Variants in ELMOD1 observed in about 807,000 individuals in gnomAD.
ELMOD1 encodes ELMO domain-containing protein 1.
ELMOD1 carries 21 observed loss-of-function variants against 46.7 expected under a neutral mutation model. That is an observed-to-expected ratio of 0.45 (90% CI 0.32 to 0.65). The LOEUF is 0.65. Ranked by LOEUF, ELMOD1 falls within the 30% of genes least tolerant of loss-of-function variation. The probability of loss-of-function intolerance (pLI) is 0.04; values close to 1 mark genes in which losing one functional copy is unlikely to be tolerated. For synonymous variants in ELMOD1, 122 were observed against 138.2 expected, an observed-to-expected ratio of 0.88 and a Z score of 0.82; for missense variants, 348 against 407.8, an observed-to-expected ratio of 0.85 and a Z score of 1.26.
intron 11 of ELMOD1, among the ~76,000 whole-genome samples, chr11:107,661,320 G>A (rs1006426839): frequency 6.6e-6 from 1 of 152,146 alleles, no homozygotes; most frequent in Non-Finnish European, 1.5e-5. Context: ...TTCTGTAACC[G>A]TGCCACACTA....
In ELMOD1 at chr11:107,635,629, A is replaced by G; in HGVS notation, c.291-7A>G. ...TTGTGTGTCTCTTCTGTTTTTGAAC[A>G]CCCTAGGCTGGGAATCTCTCTTCAG... is the stretch of plus-strand genomic sequence containing the variant. On this transcript the variant is annotated splice_region_variant and splice_polypyrimidine_tract_variant and intron_variant, in intron 5 of 11. Transcript: ENST00000265840. 6.2e-7 allele frequency: 1 copy of G among 1,605,806 alleles called. No homozygotes were observed.
rs535992760 is a variant in ELMOD1, at chr11:107,654,732, G to A, written c.698+510G>A. Among the ~76,000 whole-genome samples the A allele has an allele frequency of 2.8e-5, 4 of 142,380 alleles. No individual in the cohort carries two copies. The East Asian group carries it at 8.2e-4, about 29-fold the overall frequency. The allele number at this position is 142,380 out of a possible 152,430, so 93.4% of individuals were successfully genotyped here. A position where few individuals can be genotyped will look rare whatever the true frequency, so the allele number is the denominator to read the frequency against. ...TGCAGTGAGTGGAGATGGCGCCACT[G>A]CACTCCAGCCTGGGCGACAAAGCGA... On this transcript the variant is annotated intron_variant, in intron 10 of 11. Coordinates refer to ENST00000265840, the MANE Select transcript of ELMOD1 (RefSeq NM_018712.4).
intron 10 of ELMOD1, among the ~76,000 whole-genome samples, chr11:107,655,020 C>T (rs1229442201): frequency 6.6e-6 from 1 of 151,924 alleles, no homozygotes. Context: ...TGTTAAGATC[C>T]TTATTTACAT....
At chr11:107,612,703 T>C (rs1865800376) in intron 1 of ELMOD1, among the ~76,000 whole-genome samples, 1 of 152,184 alleles carries the variant, frequency 6.6e-6, no homozygotes, top group Non-Finnish European at 1.5e-5. Context: ...TATGATTTGC[T>C]AAACACAGAT....
chr11:107,654,185 G>C lies in ELMOD1; in HGVS notation c.661G>C (p.Ala221Pro). 6.3e-7 allele frequency: 1 copy of C among 1,588,136 alleles called. No individual in the cohort carries two copies. The highest frequency in any genetic ancestry group is 8.6e-7 in the Non-Finnish European group (1 of 1,166,342). The change falls in exon 10 of 12, where the codon GCA becomes CCA. Residue 221 changes from alanine (A) to proline (P), a missense_variant. Transcript: ENST00000265840. Reference sequence around the variant, plus strand: ...TCATCCATTCAGCAAATTCAGCAAAGCAGAATGGGAGAAGAAAAGGATGGA... The same window carrying C: ...TCATCCATTCAGCAAATTCAGCAAACCAGAATGGGAGAAGAAAAGGATGGA... ...TKEEISKFSK[A>P]EWEKKRMDKA... is the part of the protein sequence containing the mutation.
chr11:107,663,778 A>G (rs1386222960), intron 11 of ELMOD1, among the ~76,000 whole-genome samples: 1 of 152,154 alleles, frequency 6.6e-6, no homozygotes, highest in African/African-American at 2.4e-5. Flanking sequence ...AGAAAAACAA[A>G]AAGTATTGAT....
chr11:107,611,784 A>G (rs1394989871), intron 1 of ELMOD1, among the ~76,000 whole-genome samples: 1 of 152,098 alleles, frequency 6.6e-6, no homozygotes, highest in Non-Finnish European at 1.5e-5. Context: ...AGCAGCCAAC[A>G]AACATGAAGA....
intron 1 of ELMOD1, among the ~76,000 whole-genome samples, chr11:107,597,912 A>C (rs1194680402): frequency 6.6e-6 from 1 of 152,208 alleles, no homozygotes; most frequent in Non-Finnish European, 1.5e-5. Context: ...GCTTGTGTCC[A>C]AGTCCTAAAA....
chr11:107,609,859 A>G (rs979305155), intron 1 of ELMOD1, among the ~76,000 whole-genome samples: 2 of 152,166 alleles, frequency 1.3e-5, no homozygotes, highest in African/African-American at 4.8e-5. Context: ...AAAAATTACT[A>G]CAAATCAGGG....
At chr11:107,619,382 G>A (rs1300006780) in intron 2 of ELMOD1, among the ~76,000 whole-genome samples, 1 of 152,144 alleles carries the variant, frequency 6.6e-6, no homozygotes, top group African/African-American at 2.4e-5. Context: ...TATGTTCTTG[G>A]TTGTCATGGT....
intron 1 of ELMOD1, chr11:107,592,338 C>A (rs1291089218): frequency 1.9e-6 from 1 of 533,640 alleles, no homozygotes; most frequent in African/African-American, 1.9e-5. Flanking sequence ...CGCTGCTAAC[C>A]CCCAGTGGGC....
intron 10 of ELMOD1, among the ~76,000 whole-genome samples, chr11:107,654,939 G>A (rs1399765097): frequency 6.6e-6 from 1 of 152,078 alleles, no homozygotes; most frequent in African/African-American, 2.4e-5. Flanking sequence ...TATTAGCAGA[G>A]AGGATTTAAG....
chr11:107,659,081 G>A (rs1049888557), intron 11 of ELMOD1, among the ~76,000 whole-genome samples: 1 of 152,190 alleles, frequency 6.6e-6, no homozygotes, highest in Non-Finnish European at 1.5e-5. Context: ...TGAGTGGTCC[G>A]GTGAAGGCCA....
intron 5 of ELMOD1, among the ~76,000 whole-genome samples, chr11:107,632,507 C>G (rs147661181): frequency 7.5e-4 from 114 of 152,266 alleles, no homozygotes; most frequent in African/African-American, 2.6e-3. Context: ...ATTTTGGATA[C>G]TAGCTATCTA....
At chr11:107,664,509 C>T (rs895528161) in intron 11 of ELMOD1, among the ~76,000 whole-genome samples, 2 of 152,148 alleles carry the variant, frequency 1.3e-5, no homozygotes, top group Non-Finnish European at 2.9e-5. Context: ...TGTGGTTTAA[C>T]GACCAGTCTG....
chr11:107,599,740 C>CAAAAAAAAAAAAAAAAAAAAAAAAAAAA (rs56992146), intron 1 of ELMOD1, among the ~76,000 whole-genome samples: 3 of 91,232 alleles, frequency 3.3e-5, no homozygotes, highest in South Asian at 8.4e-4. Context: ...AGACCTGTCT[C>CAAAAAAAAAAAAAAAAAAAAAAAAAAAA]AAAAAAAAAA....
At chr11:107,661,168 C>A (rs982828898) in intron 11 of ELMOD1, among the ~76,000 whole-genome samples, 1 of 152,136 alleles carries the variant, frequency 6.6e-6, no homozygotes, top group Non-Finnish European at 1.5e-5. Flanking sequence ...CTTCAATCTT[C>A]GGAGGAAGAA....
chr11:107,645,211 A>G (rs1395977848), intron 6 of ELMOD1, among the ~76,000 whole-genome samples: 1 of 151,268 alleles, frequency 6.6e-6, no homozygotes, highest in Non-Finnish European at 1.5e-5. Context: ...TGCTAGGATC[A>G]CAGGCGTGAG....
chr11:107,653,955 A>G, intron 9 of ELMOD1: 1 of 536,008 alleles, frequency 1.9e-6, no homozygotes, highest in Non-Finnish European at 3.3e-6. Flanking sequence ...GCTGTCTCCC[A>G]TGGCTATACT....
Sources: gnomAD v4.1 joint callset for allele counts (sites outside exome capture counted in the v4.1 genomes callset) on GRCh38, gnomAD v4.1.1 for gene constraint, MANE v1.5 for transcripts, NCBI Gene and HGNC (gene_info 2026-07-23, HGNC 2026-07-21) for gene names.